CLNK: variants seen among roughly 807,000 people sequenced by gnomAD.
CLNK encodes cytokine dependent hematopoietic cell linker, also known as cytokine-dependent hematopoietic cell linker.
A neutral mutation model predicts 68.6 loss-of-function variants in CLNK; 74 were observed. The ratio of observed to expected loss-of-function variants is 1.08; its 90% CI spans 0.89 to 1.31. The LOEUF (loss-of-function observed/expected upper bound fraction) is 1.31, where lower values mean the gene tolerates loss of function less well. Ranked by LOEUF, CLNK falls within the 50% of genes most tolerant of loss-of-function variation. The pLI is 0.00. For synonymous variants in CLNK, 198 were observed against 172.2 expected, an observed-to-expected ratio of 1.15 and a Z score of -1.17; for missense variants, 553 against 515.3, an observed-to-expected ratio of 1.07 and a Z score of -0.71.
upstream of CLNK, among the ~76,000 whole-genome samples, chr4:10,685,554 G>A (rs1725239092): frequency 6.6e-6 from 1 of 152,112 alleles, no homozygotes; most frequent in Admixed American, 6.5e-5. Flanking sequence ...CTCTTCTGGA[G>A]ACTTGACATT....
chr4:10,578,759 A>G (rs925102067), intron 4 of CLNK, among the ~76,000 whole-genome samples: 2 of 151,872 alleles, frequency 1.3e-5, no homozygotes, highest in East Asian at 3.9e-4. Flanking sequence ...TTTAGTAAAG[A>G]TGGGATTTTA....
At position 10,620,760 on chromosome 4, in the gene CLNK, G is replaced by A. The variant is rs1316384593; in HGVS notation, c.12-22711C>T. On this transcript the variant is annotated intron_variant, in intron 2 of 18. Transcript: ENST00000226951. Reference sequence around the variant, plus strand: ...AGTACAGTGATGTAACTTCTGGCTTGCTTGACTGCCATTTTACAGATGAAG... The same window carrying A: ...AGTACAGTGATGTAACTTCTGGCTTACTTGACTGCCATTTTACAGATGAAG... 5.3e-5 allele frequency among the ~76,000 whole-genome samples: 8 copies of A among 152,024 alleles called. No homozygotes were observed. In the East Asian group the frequency reaches 1.5e-3, roughly 29 times the overall value.
chr4:10,562,271 A>G (rs1719927975), intron 7 of CLNK, among the ~76,000 whole-genome samples: 1 of 151,966 alleles, frequency 6.6e-6, no homozygotes, highest in African/African-American at 2.4e-5. Flanking sequence ...TATTACTACA[A>G]CAGTGATGGA....
the CLNK span, among the ~76,000 whole-genome samples, chr4:10,700,023 T>C: frequency 6.6e-6 from 1 of 151,704 alleles, no homozygotes; most frequent in African/African-American, 2.4e-5. Context: ...TGTGTGTGTG[T>C]GTGTATATAT....
chr4:10,583,267 T>TTC (rs774852724), intron 4 of CLNK, among the ~76,000 whole-genome samples: 2 of 152,116 alleles, frequency 1.3e-5, no homozygotes, highest in East Asian at 1.9e-4. Flanking sequence ...TGTTATTTCT[T>TTC]TCTCTCTCTC....
intron 14 of CLNK, among the ~76,000 whole-genome samples, chr4:10,521,284 T>A (rs556818833): frequency 6.6e-6 from 1 of 152,110 alleles, no homozygotes; most frequent in African/African-American, 2.4e-5. Context: ...GTAAGAAAAC[T>A]TAGTGGATTA....
At chr4:10,517,933 A>C (rs1413292855) in intron 15 of CLNK, among the ~76,000 whole-genome samples, 1 of 152,234 alleles carries the variant, frequency 6.6e-6, no homozygotes, top group Non-Finnish European at 1.5e-5. Flanking sequence ...AATGAAAGAA[A>C]TTCTGACTAT....
At chr4:10,651,702 C>G (rs1723744750) in intron 2 of CLNK, among the ~76,000 whole-genome samples, 1 of 152,122 alleles carries the variant, frequency 6.6e-6, no homozygotes, top group South Asian at 2.1e-4. Context: ...TAATAAAAAT[C>G]TTTAAAAAAT....
chr4:10,600,393 T>G (rs1327345346), intron 2 of CLNK, among the ~76,000 whole-genome samples: 1 of 152,202 alleles, frequency 6.6e-6, no homozygotes, highest in Non-Finnish European at 1.5e-5. Flanking sequence ...TATTCCATAC[T>G]AGGCAACGCA....
At chr4:10,693,306 C>T in the CLNK span, among the ~76,000 whole-genome samples, 1 of 152,164 alleles carries the variant, frequency 6.6e-6, no homozygotes, top group African/African-American at 2.4e-5. Flanking sequence ...GAAAAAGGGT[C>T]TTTGCAGATG....
At position 10,601,793 on chromosome 4, in the gene CLNK, T is replaced by G. The variant is rs781464694; in HGVS notation, c.12-3744A>C. On this transcript the variant is annotated intron_variant, in intron 2 of 18. Transcript: ENST00000226951. ...GTCCACTCAGCCCATCCCACCCACC[T>G]AGTGAAATGAATCACAAAAGCTTTT... 1.3e-3 allele frequency among the ~76,000 whole-genome samples: 202 copies of G among 152,298 alleles called. 2 individuals are homozygous for G. The highest frequency in any genetic ancestry group is 3.4e-3 in the Middle Eastern group (1 of 294).
At chr4:10,635,903 T>C (rs926319698) in intron 2 of CLNK, 4 of 152,250 alleles carry the variant, frequency 2.6e-5, no homozygotes, top group African/African-American at 9.6e-5. Context: ...TGAAGAATGC[T>C]GCTAGAGAGA....
chr4:10,645,159 C>T (rs779907053), intron 2 of CLNK, among the ~76,000 whole-genome samples: 1 of 152,190 alleles, frequency 6.6e-6, no homozygotes, highest in Admixed American at 6.6e-5. Context: ...TGGGATTCCA[C>T]TCCAGCCTTA....
intron 1 of CLNK, among the ~76,000 whole-genome samples, chr4:10,674,968 C>A (rs546620466): frequency 1.3e-5 from 2 of 151,818 alleles, no homozygotes; most frequent in African/African-American, 2.4e-5. Context: ...CACACTGGGG[C>A]CTGTTGGGGG....
rs140839866 is a variant in CLNK, at chr4:10,576,686, C to T, written c.113-4908G>A. On this transcript the variant is annotated intron_variant, in intron 4 of 18. Transcript: ENST00000226951. ...CCCCTGACCATTTGCATCAAACTCA[C>T]CTTGGGAGCTGAAAAAAGGAAATAA... 2.1e-3 allele frequency among the ~76,000 whole-genome samples: 321 copies of T among 152,282 alleles called. 2 individuals are homozygous for T. Among genetic ancestry groups the T allele is most frequent in the Non-Finnish European group, 6.9e-4 (47 of 68,028 alleles).
chr4:10,703,289 G>C, the CLNK span, among the ~76,000 whole-genome samples: 1 of 152,054 alleles, frequency 6.6e-6, no homozygotes, highest in Non-Finnish European at 1.5e-5. Flanking sequence ...GCCAGGAATC[G>C]GCTACTTTTT....
intron 2 of CLNK, among the ~76,000 whole-genome samples, chr4:10,664,615 A>T (rs1453827501): frequency 6.6e-6 from 1 of 152,214 alleles, no homozygotes; most frequent in Admixed American, 6.5e-5. Flanking sequence ...TGTGTCCAAG[A>T]ATCAACCGAG....
chr4:10,686,267 A>C (rs1725267814), upstream of CLNK, among the ~76,000 whole-genome samples: 1 of 151,968 alleles, frequency 6.6e-6, no homozygotes, highest in Non-Finnish European at 1.5e-5. Flanking sequence ...CACCCTAATT[A>C]CCCAATTTTA....
At chr4:10,704,166 A>G in the CLNK span, among the ~76,000 whole-genome samples, 1 of 152,150 alleles carries the variant, frequency 6.6e-6, no homozygotes, top group African/African-American at 2.4e-5. Flanking sequence ...TAGAGAGAGA[A>G]AAAAAGAGAG....
Sources: gnomAD v4.1 joint callset for allele counts (sites outside exome capture counted in the v4.1 genomes callset) on GRCh38, gnomAD v4.1.1 for gene constraint, MANE v1.5 for transcripts, NCBI Gene and HGNC (gene_info 2026-07-23, HGNC 2026-07-21) for gene names.